The following LINGO2 variants were observed in gnomAD, a reference collection of about 807,000 sequenced individuals.
The protein encoded by LINGO2 is leucine-rich repeat and immunoglobulin-like domain-containing nogo receptor-interacting protein 2.
A neutral mutation model predicts 30.6 loss-of-function variants in LINGO2; 14 were observed. The observed-to-expected ratio is 0.46, with a 90% confidence interval of 0.30 to 0.72. LINGO2 has a LOEUF of 0.72. Among genes scored for constraint, LINGO2 ranks in the 30% least tolerant of loss-of-function variants. The pLI is 0.07. For missense variants in LINGO2, 729 were observed against 751.7 expected (o/e 0.97, Z 0.35); for synonymous variants, 317 against 288.5 (o/e 1.10, Z -1.00).
At chr9:27,969,141 AG>A (rs1470319045) in intron 5 of LINGO2, among the ~76,000 whole-genome samples, 1 of 152,080 alleles carries the variant, frequency 6.6e-6, no homozygotes, top group Non-Finnish European at 1.5e-5. Context: ...AAACAGATAA[AG>A]TATGAAAGAG....
chr9:28,101,038 A>G (rs955677798), intron 4 of LINGO2, among the ~76,000 whole-genome samples: 48 of 152,118 alleles, frequency 3.2e-4, no homozygotes, highest in African/African-American at 1.1e-3. Flanking sequence ...TTCTAAAATT[A>G]CACATTTTTT....
the LINGO2 span, among the ~76,000 whole-genome samples, chr9:28,837,678 A>ATATATATATATT: frequency 7.6e-6 from 1 of 131,406 alleles, no homozygotes; most frequent in African/African-American, 2.9e-5. Flanking sequence ...ATATATATAT[A>ATATATATATATT]TATTTAGGAT....
intron 2 of LINGO2, among the ~76,000 whole-genome samples, chr9:28,430,102 G>GTGCA (rs1554720060): frequency 9.8e-4 from 51 of 51,942 alleles, no homozygotes; most frequent in Non-Finnish European, 1.7e-3. Context: ...TTCCACGCGC[G>GTGCA]CGCGCGCGTG....
intron 4 of LINGO2, among the ~76,000 whole-genome samples, chr9:28,220,321 A>G (rs1057336998): frequency 6.6e-6 from 1 of 152,156 alleles, no homozygotes; most frequent in Non-Finnish European, 1.5e-5. Flanking sequence ...AGTCCTTTAA[A>G]AAGTATAATA....
chr9:29,114,964 T>C, the LINGO2 span, among the ~76,000 whole-genome samples: 1 of 151,798 alleles, frequency 6.6e-6, no homozygotes, highest in African/African-American at 2.4e-5. Context: ...AAAATTTATA[T>C]GATTTGTTTT....
intron 1 of LINGO2, among the ~76,000 whole-genome samples, chr9:28,621,369 TTC>T (rs1268824466): frequency 1.3e-5 from 2 of 151,822 alleles, no homozygotes; most frequent in Admixed American, 1.3e-4. Flanking sequence ...TACAGGTCAT[TTC>T]TGTCTTTCCA....
At chr9:29,209,993 G>A in the LINGO2 span, among the ~76,000 whole-genome samples, 1 of 152,056 alleles carries the variant, frequency 6.6e-6, no homozygotes, top group African/African-American at 2.4e-5. Flanking sequence ...TCCTTTCACA[G>A]AATATCTAGA....
the LINGO2 span, among the ~76,000 whole-genome samples, chr9:29,047,058 A>G: frequency 7.3e-5 from 1 of 13,710 alleles, no homozygotes; most frequent in Non-Finnish European, 2.1e-4. Flanking sequence ...AAAACCAAAA[A>G]CAAACAAACA....
chr9:28,612,126 A>G (rs1457095898), intron 1 of LINGO2, among the ~76,000 whole-genome samples: 1 of 152,106 alleles, frequency 6.6e-6, no homozygotes, highest in African/African-American at 2.4e-5. Flanking sequence ...CAATGGGGCA[A>G]TCATAGCTCA....
At position 28,329,537 on chromosome 9, in the gene LINGO2, T is replaced by C. The variant is rs73645646; in HGVS notation, c.-245-34171A>G. Reference sequence around the variant, plus strand: ...TAATTGACTCCTGGTACAACATGCATGTTCAGACTTGTTTGAGCCAGGGCT... The same window carrying C: ...TAATTGACTCCTGGTACAACATGCACGTTCAGACTTGTTTGAGCCAGGGCT... On this transcript the variant is annotated intron_variant, in intron 3 of 5. Coordinates refer to ENST00000379992, the Ensembl canonical transcript of LINGO2. The surrounding 1 kb of genome is among the most constrained non-coding windows in gnomAD (Gnocchi z 4.5). 0.074 allele frequency among the ~76,000 whole-genome samples: 11,336 copies of C among 152,192 alleles called. 565 individuals carry two copies. Among genetic ancestry groups the C allele is most frequent in the African/African-American group, 0.14 (5,628 of 41,504 alleles).
chr9:28,733,772 A>T, the LINGO2 span, among the ~76,000 whole-genome samples: 2 of 152,118 alleles, frequency 1.3e-5, no homozygotes, highest in African/African-American at 2.4e-5. Context: ...TTTTGCTGTA[A>T]TGAGGTGAAC....
the LINGO2 span, among the ~76,000 whole-genome samples, chr9:28,782,581 A>C: frequency 6.6e-6 from 1 of 152,198 alleles, no homozygotes; most frequent in African/African-American, 2.4e-5. Flanking sequence ...TGTACTGAGA[A>C]ATTTGACAAA....
At chr9:28,138,445 G>T (rs1827577892) in intron 4 of LINGO2, among the ~76,000 whole-genome samples, 1 of 152,152 alleles carries the variant, frequency 6.6e-6, no homozygotes, top group Non-Finnish European at 1.5e-5. Flanking sequence ...TTTTAATTTT[G>T]CCCAGCTCAT....
chr9:29,208,977 C>T, the LINGO2 span, among the ~76,000 whole-genome samples: 4 of 152,118 alleles, frequency 2.6e-5, no homozygotes, highest in Admixed American at 2.6e-4. Context: ...AGTGATAATC[C>T]TTTTTTTAAA....
At chr9:28,039,017 T>C (rs1306710338) in intron 4 of LINGO2, among the ~76,000 whole-genome samples, 3 of 152,198 alleles carry the variant, frequency 2.0e-5, no homozygotes, top group Non-Finnish European at 1.5e-5. Flanking sequence ...TTAAAGGAGT[T>C]TGGCAAGGAA....
At chr9:28,561,734 T>TG (rs1294917865) in intron 1 of LINGO2, among the ~76,000 whole-genome samples, 12 of 32,060 alleles carry the variant, frequency 3.7e-4, no homozygotes, top group African/African-American at 1.5e-3. Flanking sequence ...TATATATAAT[T>TG]TTGTGTGTGT....
chr9:29,204,941 G>C, the LINGO2 span, among the ~76,000 whole-genome samples: 1 of 152,226 alleles, frequency 6.6e-6, no homozygotes, highest in South Asian at 2.1e-4. Context: ...GTTTACTGCA[G>C]ATGTTCCTTA....
the LINGO2 span, among the ~76,000 whole-genome samples, chr9:29,202,237 T>G: frequency 6.6e-6 from 1 of 151,698 alleles, no homozygotes. Context: ...AGTAGAGAGA[T>G]TCCAGGAATT....
chr9:29,155,313 A>G, the LINGO2 span, among the ~76,000 whole-genome samples: 2 of 152,118 alleles, frequency 1.3e-5, no homozygotes, highest in Non-Finnish European at 2.9e-5. Flanking sequence ...ATTTAACTCT[A>G]GAAAATAAAT....
Sources: gnomAD v4.1 joint callset for allele counts (sites outside exome capture counted in the v4.1 genomes callset) on GRCh38, gnomAD v4.1.1 for gene constraint, Gnocchi (gnomAD v3.1) non-coding constraint, MANE v1.5 for transcripts, NCBI Gene and HGNC (gene_info 2026-07-23, HGNC 2026-07-21) for gene names.